Variants in FOXP1 observed in about 807,000 individuals in gnomAD.
The protein encoded by FOXP1 is forkhead box P1, also known as forkhead box protein P1.
FOXP1 carries 15 observed loss-of-function variants against 98.2 expected under a neutral mutation model. The ratio of observed to expected loss-of-function variants is 0.15; its 90% CI spans 0.10 to 0.24. The LOEUF (loss-of-function observed/expected upper bound fraction) is 0.24, where lower values mean the gene tolerates loss of function less well. FOXP1 is among the 10% of genes least tolerant of loss of function. The pLI, the probability that FOXP1 is intolerant of heterozygous loss-of-function variation, is 1.00. For synonymous variants in FOXP1, 371 were observed against 314.5 expected, an observed-to-expected ratio of 1.18 and a Z score of -1.90; for missense variants, 633 against 848.5, an observed-to-expected ratio of 0.75 and a Z score of 3.15.
At chr3:71,580,190 GA>G (rs2048048082) in intron 2 of FOXP1, among the ~76,000 whole-genome samples, 1 of 91,228 alleles carries the variant, frequency 1.1e-5, no homozygotes, top group South Asian at 2.7e-4. Flanking sequence ...AAAAAAAAGT[GA>G]TTTTTTTTTT....
intron 5 of FOXP1, among the ~76,000 whole-genome samples, chr3:71,252,671 A>T (rs1372279993): frequency 6.6e-6 from 1 of 152,204 alleles, no homozygotes; most frequent in Non-Finnish European, 1.5e-5. Context: ...CTTGACAGGT[A>T]CTATGATTTT....
At chr3:71,173,388 C>A (rs2061749706) in intron 6 of FOXP1, among the ~76,000 whole-genome samples, 1 of 107,638 alleles carries the variant, frequency 9.3e-6, no homozygotes. Context: ...AAAATTCACA[C>A]ACACACACAC....
At chr3:71,200,706 T>C (rs915032738) in intron 5 of FOXP1, among the ~76,000 whole-genome samples, 2 of 152,222 alleles carry the variant, frequency 1.3e-5, no homozygotes, top group African/African-American at 4.8e-5. Flanking sequence ...GTGTTCCAAT[T>C]GTGGAAGGAC....
Position 71,033,130 on chromosome 3 carries a change from G to C in FOXP1, c.869+8198C>G, listed in dbSNP as rs141168661. Reference sequence around the variant, plus strand: ...GTTAAGGAAAGCTAAGACACAATTGGGAGGAGGGGACACAGGCCTTTCCAC... The same window carrying C: ...GTTAAGGAAAGCTAAGACACAATTGCGAGGAGGGGACACAGGCCTTTCCAC... On this transcript the variant is annotated intron_variant, in intron 11 of 20. Coordinates refer to ENST00000649528, the MANE Select transcript of FOXP1 (RefSeq NM_001349338.3). Among the ~76,000 whole-genome samples the C allele has an allele frequency of 1.2e-4, 18 of 152,272 alleles. No individual in the cohort carries two copies. The East Asian group carries it at 3.5e-3, about 29-fold the overall frequency.
At chr3:71,012,244 C>A (rs995210344) in intron 12 of FOXP1, among the ~76,000 whole-genome samples, 1 of 152,124 alleles carries the variant, frequency 6.6e-6, no homozygotes, top group African/African-American at 2.4e-5. Context: ...AAACCTAGCA[C>A]TGGTGTAGAA....
At chr3:71,582,728 T>A in intron 1 of FOXP1, 2 of 985,052 alleles carry the variant, frequency 2.0e-6, no homozygotes, top group Non-Finnish European at 2.4e-6. Flanking sequence ...TGTTGCGGAC[T>A]CGTCTCGGGA....
Position 70,973,144 on chromosome 3 carries a change from C to A in FOXP1, c.1531-468G>T, listed in dbSNP as rs538967252. ...TGATGGCTTCTGGCTTTTAAAACTT[C>A]CAGAGGTCCTATGAAGAATTCTAAA... is the stretch of plus-strand genomic sequence containing the variant. On this transcript the variant is annotated intron_variant, in intron 17 of 20. Coordinates refer to ENST00000649528, the MANE Select transcript of FOXP1 (RefSeq NM_001349338.3). 3.9e-5 allele frequency among the ~76,000 whole-genome samples: 6 copies of A among 152,248 alleles called. No homozygotes were observed. The East Asian group carries it at 1.2e-3, about 29-fold the overall frequency.
chr3:71,013,937 G>A (rs2044049945), intron 12 of FOXP1, among the ~76,000 whole-genome samples: 1 of 152,110 alleles, frequency 6.6e-6, no homozygotes. Flanking sequence ...TGGGAAAACT[G>A]GCTAGCCATA....
chr3:71,466,832 G>A (rs190938571), intron 3 of FOXP1, among the ~76,000 whole-genome samples: 3 of 152,330 alleles, frequency 2.0e-5, no homozygotes, highest in Non-Finnish European at 2.9e-5. Flanking sequence ...CATGAGAGAC[G>A]CAGGTACAAG....
chr3:71,541,752 T>C (rs984707830), intron 2 of FOXP1, among the ~76,000 whole-genome samples: 6 of 152,228 alleles, frequency 3.9e-5, no homozygotes, highest in South Asian at 2.1e-4. Context: ...AGATGAAAAG[T>C]TGAAACAGAC....
chr3:71,465,256 G>A (rs529209026), intron 3 of FOXP1, among the ~76,000 whole-genome samples: 3 of 147,862 alleles, frequency 2.0e-5, no homozygotes, highest in East Asian at 2.0e-4. Flanking sequence ...GTGGTGAGCC[G>A]AGATCACACC....
intron 5 of FOXP1, among the ~76,000 whole-genome samples, chr3:71,299,554 A>G (rs1351705612): frequency 1.3e-5 from 2 of 152,258 alleles, no homozygotes; most frequent in East Asian, 1.9e-4. Context: ...CAAGAAACAA[A>G]TAAATTTAAA....
chr3:70,992,398 C>G (rs1182576774), intron 13 of FOXP1, among the ~76,000 whole-genome samples: 3 of 152,090 alleles, frequency 2.0e-5, no homozygotes, highest in Non-Finnish European at 2.9e-5. Context: ...ACACAGGTCT[C>G]TGACGTACAT....
chr3:71,108,266 A>G (rs2057608254), intron 7 of FOXP1, among the ~76,000 whole-genome samples: 1 of 152,216 alleles, frequency 6.6e-6, no homozygotes, highest in Non-Finnish European at 1.5e-5. Flanking sequence ...CGTGCCAACA[A>G]CTAAAATGCT....
chr3:71,025,975 C>T (rs2046060865), intron 11 of FOXP1, among the ~76,000 whole-genome samples: 1 of 152,180 alleles, frequency 6.6e-6, no homozygotes. Flanking sequence ...TTAGGGTATA[C>T]TAGGAAGGCA....
At chr3:71,018,011 T>C (rs1404076567) in intron 11 of FOXP1, among the ~76,000 whole-genome samples, 5 of 152,184 alleles carry the variant, frequency 3.3e-5, no homozygotes, top group African/African-American at 1.2e-4. Context: ...ATATTACTAG[T>C]TAAGAACTGT....
chr3:71,442,689 C>G (rs910912974), intron 3 of FOXP1, among the ~76,000 whole-genome samples: 5 of 152,046 alleles, frequency 3.3e-5, no homozygotes, highest in Non-Finnish European at 5.9e-5. Context: ...TGACAACAAT[C>G]ACAGTCACTC....
intron 6 of FOXP1, among the ~76,000 whole-genome samples, chr3:71,127,758 T>G (rs2059314847): frequency 6.6e-6 from 1 of 152,226 alleles, no homozygotes; most frequent in South Asian, 2.1e-4. Flanking sequence ...GGGATAATCT[T>G]TGCAGCCTAC....
intron 17 of FOXP1, among the ~76,000 whole-genome samples, chr3:70,973,625 A>AACTT (rs1002841195): frequency 2.4e-4 from 37 of 152,210 alleles, no homozygotes; most frequent in African/African-American, 7.9e-4. Context: ...CGCCTGGTTA[A>AACTT]ACTTACGGAT....
Sources: allele counts gnomAD v4.1 joint callset (sites outside exome capture counted in the v4.1 genomes callset), GRCh38; gene constraint gnomAD v4.1.1; transcripts MANE v1.5; gene names NCBI Gene and HGNC (gene_info 2026-07-23, HGNC 2026-07-21).